Variants in TBCK observed in about 807,000 individuals in gnomAD.
The protein encoded by TBCK is TBC domain-containing protein kinase-like protein.
TBCK carries 99 observed loss-of-function variants against 113.4 expected under a neutral mutation model. The observed-to-expected ratio is 0.87, with a 90% CI of 0.74 to 1.03. The LOEUF (loss-of-function observed/expected upper bound fraction) is 1.03. TBCK is among the 50% of genes least tolerant of loss of function. The pLI is 0.00. For missense variants in TBCK, 1,045 were observed against 1,061.3 expected (o/e 0.98, Z 0.21); for synonymous variants, 369 against 370.8 (o/e 1.00, Z 0.05).
intron 22 of TBCK, among the ~76,000 whole-genome samples, chr4:106,191,537 G>T (rs1010904258): frequency 6.6e-6 from 1 of 152,100 alleles, no homozygotes; most frequent in African/African-American, 2.4e-5. Flanking sequence ...GATAAGCTAG[G>T]CAGCTTTGAA....
intron 19 of TBCK, among the ~76,000 whole-genome samples, chr4:106,216,197 T>C (rs1756890856): frequency 6.6e-6 from 1 of 150,890 alleles, no homozygotes; most frequent in Non-Finnish European, 1.5e-5. Context: ...TACCAGAATC[T>C]CTGGGACACA....
At chr4:106,303,674 C>G (rs1419753841) in intron 2 of TBCK, among the ~76,000 whole-genome samples, 20 of 152,212 alleles carry the variant, frequency 1.3e-4, no homozygotes, top group Admixed American at 1.1e-3. Context: ...ATACCCCACC[C>G]CCTTAACCAT....
chr4:106,171,129 G>C lies in TBCK; in HGVS notation c.2201C>G (p.Ser734Cys), dbSNP rs1750948281. 6.2e-7 allele frequency: 1 copy of C among 1,611,654 alleles called. No homozygotes were observed. Among genetic ancestry groups the C allele is most frequent in the African/African-American group, 1.3e-5 (1 of 74,732 alleles). Residue 734 changes from serine (S) to cysteine (C), a missense_variant, in exon 23 of 26, where the codon TCT becomes TGT. Ser to Cys is a moderately radical substitution (Grantham distance 112). Transcript: ENST00000394708. ...SGGRSSAPYF[S>C]AECPDPPKTD... ...CTTTGGAGGATCTGGACACTCAGCAGAGAAATAAGGTGCCGAACTTCTGCC... is the reference window on the plus strand; with the variant it reads ...CTTTGGAGGATCTGGACACTCAGCACAGAAATAAGGTGCCGAACTTCTGCC...
At chr4:106,140,058 A>C (rs1333797760) in intron 23 of TBCK, among the ~76,000 whole-genome samples, 1 of 141,338 alleles carries the variant, frequency 7.1e-6, no homozygotes, top group African/African-American at 2.5e-5. Flanking sequence ...TAGATGAATT[A>C]CAATAATATT....
At chr4:106,312,666 A>G (rs1378650059) in intron 1 of TBCK, among the ~76,000 whole-genome samples, 1 of 152,190 alleles carries the variant, frequency 6.6e-6, no homozygotes, top group African/African-American at 2.4e-5. Context: ...TAGGAACTGT[A>G]CTCTTAATAG....
chr4:106,235,023 A>T (rs1257449716), intron 15 of TBCK, among the ~76,000 whole-genome samples: 1 of 152,120 alleles, frequency 6.6e-6, no homozygotes, highest in Non-Finnish European at 1.5e-5. Context: ...GTAATAATCA[A>T]AACATTTTCT....
intron 12 of TBCK, among the ~76,000 whole-genome samples, chr4:106,240,319 A>G (rs1759949314): frequency 6.6e-6 from 1 of 152,014 alleles, no homozygotes; most frequent in Non-Finnish European, 1.5e-5. Context: ...ATTTGTTTCT[A>G]TTCAATAGCG....
At chr4:106,299,621 A>T (rs1315671272) in intron 2 of TBCK, among the ~76,000 whole-genome samples, 1 of 152,252 alleles carries the variant, frequency 6.6e-6, no homozygotes. Flanking sequence ...AATGGAGTGT[A>T]TACCAAAACA....
At chr4:106,237,596 T>C in intron 12 of TBCK, 2 of 452,688 alleles carry the variant, frequency 4.4e-6, no homozygotes, top group Admixed American at 4.8e-5. Context: ...GATCTTCTGC[T>C]GATTAGAGTC....
chr4:106,055,650 C>T (rs766899166), intron 25 of TBCK, among the ~76,000 whole-genome samples: 2 of 151,116 alleles, frequency 1.3e-5, no homozygotes, highest in African/African-American at 4.8e-5. Flanking sequence ...TCCCTTTGAT[C>T]TTATTTTCTT....
At chr4:106,247,348 G>A (rs1303349242) in intron 9 of TBCK, 61 bp from the exon 10 acceptor site, 1 of 1,502,970 alleles carries the variant, frequency 6.7e-7, no homozygotes, top group Non-Finnish European at 9.2e-7. Flanking sequence ...CTAGAATAAT[G>A]GCATACATTC....
At chr4:106,218,923 A>C (rs552854052) in intron 19 of TBCK, among the ~76,000 whole-genome samples, 1 of 151,742 alleles carries the variant, frequency 6.6e-6, no homozygotes, top group Admixed American at 6.6e-5. Flanking sequence ...ATGCACACAT[A>C]TGTTTATTGT....
In TBCK at chr4:106,248,568, A is replaced by G. The variant is rs1429035488; in HGVS notation, c.721-262T>C. On this transcript the variant is annotated intron_variant, in intron 8 of 25. Transcript: ENST00000394708. ...TTTGAATGTGTTCCCTCCAAAGTTT[A>G]GGCTTCATGAACTTTGAAACTTAAT... is the stretch of plus-strand genomic sequence containing the variant. Among the ~76,000 whole-genome samples, 4 of 152,170 alleles carry G rather than the reference A, an allele frequency of 2.6e-5. No homozygotes were observed. The East Asian group carries it at 7.7e-4, about 29-fold the overall frequency.
intron 5 of TBCK, among the ~76,000 whole-genome samples, chr4:106,256,162 A>G (rs1647159481): frequency 1.3e-5 from 2 of 152,128 alleles, no homozygotes; most frequent in Admixed American, 1.3e-4. Flanking sequence ...AAGCACCACA[A>G]GTTCCCACTC....
intron 23 of TBCK, among the ~76,000 whole-genome samples, chr4:106,126,340 TC>T: frequency 6.6e-6 from 1 of 152,332 alleles, no homozygotes; most frequent in African/African-American, 2.4e-5. Flanking sequence ...TACCTTATTT[TC>T]CTCAGGACCC....
chr4:106,300,237 T>C (rs1027077502), intron 2 of TBCK, among the ~76,000 whole-genome samples: 2 of 152,336 alleles, frequency 1.3e-5, no homozygotes, highest in South Asian at 4.1e-4. Flanking sequence ...TAAACGTTTT[T>C]CCTGTACAAA....
At chr4:106,160,609 T>C (rs1749657618) in intron 23 of TBCK, among the ~76,000 whole-genome samples, 1 of 151,702 alleles carries the variant, frequency 6.6e-6, no homozygotes, top group Admixed American at 6.6e-5. Flanking sequence ...AAAATCAAAA[T>C]AGAAAAGTGT....
At chr4:106,132,515 A>T (rs1366986170) in intron 23 of TBCK, among the ~76,000 whole-genome samples, 2 of 152,238 alleles carry the variant, frequency 1.3e-5, no homozygotes, top group Non-Finnish European at 2.9e-5. Flanking sequence ...ACGTCCATGC[A>T]AAAGTTTGCT....
intron 3 of TBCK, among the ~76,000 whole-genome samples, chr4:106,291,480 T>C (rs556609503): frequency 1.1e-4 from 16 of 152,362 alleles, no homozygotes; most frequent in Admixed American, 7.8e-4. Flanking sequence ...ATGCTTTGTA[T>C]GCTATGTGGC....
Sources: allele counts gnomAD v4.1 joint callset (sites outside exome capture counted in the v4.1 genomes callset), GRCh38; gene constraint gnomAD v4.1.1; transcripts MANE v1.5; gene names NCBI Gene and HGNC (gene_info 2026-07-23, HGNC 2026-07-21).